DBN1: variants seen among roughly 807,000 people sequenced by gnomAD.
DBN1 encodes the protein drebrin 1.
In DBN1, 21 loss-of-function variants were observed where a neutral mutation model predicts 83.5. The observed-to-expected ratio is 0.25, with a 90% CI of 0.18 to 0.36. The LOEUF is 0.36. Ranked by LOEUF, DBN1 falls within the 10% of genes least tolerant of loss-of-function variation. The pLI is 1.00. For missense variants in DBN1, 874 were observed against 935.7 expected (o/e 0.93, Z 0.86); for synonymous variants, 381 against 384.9 (o/e 0.99, Z 0.12).
intron 11 of DBN1, 45 bp from the exon 12 acceptor site, chr5:177,459,313 G>A (rs749380469): frequency 2.5e-6 from 4 of 1,586,986 alleles, no homozygotes; most frequent in Non-Finnish European, 3.4e-6. Flanking sequence ...GGGGGAGCCG[G>A]GTGAGACAGG....
intron 2 of DBN1, 100 bp downstream of exon 2, chr5:177,468,744 G>A (rs997527920): frequency 1.4e-6 from 1 of 698,338 alleles, no homozygotes; most frequent in African/African-American, 1.8e-5. Context: ...GGGGCTGCAG[G>A]GTGCAGGCAG....
At position 177,459,139 on chromosome 5, in the gene DBN1, G is replaced by A. The variant is rs375373491; in HGVS notation, c.1223C>T (p.Ser408Leu). The A allele has an allele frequency of 1.5e-4, 239 of 1,611,196 alleles. No homozygotes were observed. The highest frequency in any genetic ancestry group is 3.9e-4 in the Admixed American group (23 of 59,610). The change falls in exon 12 of 15, where the codon TCG becomes TTG. Residue 408 changes from serine to leucine, a missense_variant. Ser to Leu is a moderately radical substitution (Grantham distance 145). Coordinates refer to ENST00000393565, the MANE Select transcript of DBN1 (RefSeq NM_001363541.2). ...IERALDEVTS[S>L]QPPPLPPPPP... is the part of the protein sequence containing the mutation. ...TGGCGGTGGCAGTGGTGGAGGCTGC[G>A]AGGAGGTGACCTCATCCAGGGCCCG...
chr5:177,459,083 G>C lies in DBN1; in HGVS notation c.1264+15C>G. ...GATGATGGGAGGCCTGGTGCAGGTA[G>C]CATCCCTCTCTCACCTTGGGCTGGT... is the stretch of plus-strand genomic sequence containing the variant. On this transcript the variant is annotated intron_variant, in intron 12 of 14. Transcript: ENST00000393565. The C allele has an allele frequency of 1.3e-6, 2 of 1,593,168 alleles. No individual in the cohort carries two copies. The highest frequency in any genetic ancestry group is 1.7e-4 in the Middle Eastern group (1 of 5,840).
intron 8 of DBN1, among the ~76,000 whole-genome samples, chr5:177,464,134 AAAATAAAT>A (rs769085289): frequency 6.6e-6 from 1 of 150,912 alleles, no homozygotes; most frequent in Non-Finnish European, 1.5e-5. Context: ...TAAATAAATA[AAAATAAAT>A]AAATAAATAA....
Position 177,459,633 on chromosome 5 carries a change from G to A in DBN1, c.1063C>T (p.Arg355Cys), listed in dbSNP as rs1424700206. The A allele has an allele frequency of 7.6e-6, 12 of 1,571,272 alleles. No individual in the cohort carries two copies. Among genetic ancestry groups the A allele is most frequent in the South Asian group, 1.2e-5 (1 of 85,662 alleles). Residue 355 changes from arginine (R) to cysteine (C), a missense_variant, in exon 11 of 15, where the codon CGC becomes TGC. This residue lies in a region of DBN1 where 725 missense variants were observed against 719.7 expected (regional missense o/e 1.01). Coordinates refer to ENST00000393565, the MANE Select transcript of DBN1 (RefSeq NM_001363541.2). ...RTPFPYITCH[R>C]TPNLSSSLPC... is the part of the protein sequence containing the mutation. ...AGGGAGGAAGAGAGGTTTGGGGTGC[G>A]GTGGCAGGTGATATAGGGAAAGGGA...
intron 2 of DBN1, chr5:177,468,464 C>T (rs1436997000): frequency 3.5e-6 from 2 of 566,654 alleles, no homozygotes; most frequent in South Asian, 2.4e-5. Context: ...AGTGTTTGTT[C>T]TTCACACTCA....
At chr5:177,472,903 C>T in intron 1 of DBN1, 7 of 951,404 alleles carry the variant, frequency 7.4e-6, no homozygotes, top group Non-Finnish European at 7.5e-6. Context: ...AGAGGCCCCC[C>T]GGTGGGCGGG....
chr5:177,459,345 C>G, intron 11 of DBN1, 77 bp from the exon 12 acceptor site: 1 of 1,547,734 alleles, frequency 6.5e-7, no homozygotes, highest in Non-Finnish European at 8.6e-7. Context: ...TGGGGCCTGG[C>G]CAGCACCTCC....
chr5:177,471,369 A>G (rs1671517497), intron 1 of DBN1, among the ~76,000 whole-genome samples: 1 of 151,998 alleles, frequency 6.6e-6, no homozygotes, highest in Admixed American at 6.5e-5. Flanking sequence ...CCACCACACA[A>G]CCTCATTTCC....
intron 8 of DBN1, among the ~76,000 whole-genome samples, chr5:177,461,878 T>G (rs1041366725): frequency 6.6e-6 from 1 of 152,214 alleles, no homozygotes; most frequent in Admixed American, 6.5e-5. Flanking sequence ...GCTTTTGTTT[T>G]GCTGGTATGA....
Position 177,457,115 on chromosome 5 carries a change from C to G in DBN1, c.*318G>C. The G allele has an allele frequency of 2.6e-6, 1 of 382,696 alleles. No individual in the cohort carries two copies. The highest frequency in any genetic ancestry group is 3.6e-5 in the South Asian group (1 of 27,966). The allele number at this position is 382,696 out of a possible 1,614,324, so 23.7% of individuals were successfully genotyped here. A position where few individuals can be genotyped will look rare whatever the true frequency, so the allele number is the denominator to read the frequency against. The stretch of plus-strand genomic sequence containing the variant: ...CCCCAAGCAGGGTGAGGCCTCCAAC[C>G]CGGCCAGCTGAGCAGGGAGGACTAA... On this transcript the variant is annotated 3_prime_UTR_variant, in exon 15 of 15. Transcript: ENST00000393565.
rs1756725280 is a variant in DBN1 at position 177,458,405 on chromosome 5, CAAT to C, written c.1564_1566del (p.Ile522del). 1.2e-6 allele frequency: 2 copies of C among 1,614,036 alleles called. No homozygotes were observed. The highest frequency in any genetic ancestry group is 2.2e-5 in the South Asian group (2 of 91,084). ...CCTTCCCCGTTGCCAGGCCATAGGT[CAAT>C]GAGGCTGGTGGCGGCGGGGGGTACG... On this transcript the variant is annotated inframe_deletion, in exon 13 of 15. Transcript: ENST00000393565.
chr5:177,472,326 G>C, intron 1 of DBN1: 1 of 1,523,046 alleles, frequency 6.6e-7, no homozygotes, highest in Non-Finnish European at 8.8e-7. Context: ...CTTTGCCTCA[G>C]TTTCCTCAAG....
In DBN1 at chr5:177,459,180, G is replaced by A. The variant is rs567476563; in HGVS notation, c.1182C>T (p.Val394=). 9.8e-5 allele frequency: 158 copies of A among 1,611,572 alleles called. No individual in the cohort carries two copies. The highest frequency in any genetic ancestry group is 2.0e-4 in the Admixed American group (12 of 59,434). ...PSDSSTASTP[V]AEQIERALDE... is the part of the protein sequence containing the mutation. ...CCAGGGCCCGCTCTATCTGCTCAGC[G>A]ACAGGGGTGGAGGCGGTGCTGGAGT... Residue 394 remains valine (V), a synonymous_variant, in exon 12 of 15, where the codon GTC becomes GTT. Coordinates refer to ENST00000393565, the MANE Select transcript of DBN1 (RefSeq NM_001363541.2).
intron 8 of DBN1, chr5:177,462,324 T>C (rs1240395082): frequency 2.0e-6 from 2 of 985,352 alleles, no homozygotes; most frequent in Admixed American, 1.2e-4. Context: ...CATGGGAGAC[T>C]GGCCTCCCTC....
At chr5:177,459,780 G>C in intron 10 of DBN1, 40 bp from the exon 11 acceptor site, 1 of 1,430,744 alleles carries the variant, frequency 7.0e-7, no homozygotes, top group East Asian at 2.7e-5. Context: ...CAGAGGACAA[G>C]AGAGGGTCAG....
In DBN1 at chr5:177,459,203, A is replaced by T; in HGVS notation, c.1159T>A (p.Ser387Thr). The stretch of plus-strand genomic sequence containing the variant: ...GCGACAGGGGTGGAGGCGGTGCTGG[A>T]GTCAGACGGGCTCCGCGTGGGGATG... Reference protein sequence around the residue: ...TPIPTRSPSDSSTASTPVAEQ... With the variant: ...TPIPTRSPSDTSTASTPVAEQ... The change falls in exon 12 of 15, where the codon TCC becomes ACC. Residue 387 changes from serine to threonine, a missense_variant. Transcript: ENST00000393565. 1 of 1,611,170 alleles carries T rather than the reference A, an allele frequency of 6.2e-7. No individual in the cohort carries two copies. Among genetic ancestry groups the T allele is most frequent in the Non-Finnish European group, 8.5e-7 (1 of 1,179,010 alleles).
rs1261606164 is a variant in DBN1, at chr5:177,458,134, T to C, written c.1838A>G (p.Glu613Gly). 6.2e-7 allele frequency: 1 copy of C among 1,613,412 alleles called. No individual in the cohort carries two copies. Among genetic ancestry groups the C allele is most frequent in the Non-Finnish European group, 8.5e-7 (1 of 1,179,990 alleles). The change falls in exon 13 of 15, where the codon GAG becomes GGG. Residue 613 changes from glutamate to glycine, a missense_variant. Around this residue, in one of 4 missense-constraint regions of DBN1, gnomAD observed 725 missense variants for 719.7 expected, o/e 1.01. Coordinates refer to ENST00000393565, the MANE Select transcript of DBN1 (RefSeq NM_001363541.2). ...CGGCTCCTGCTCTTGCTCCAGCTCCTCAAGGGCTGAGGGCAGAGTTGGGGT... is the reference window on the plus strand; with the variant it reads ...CGGCTCCTGCTCTTGCTCCAGCTCCCCAAGGGCTGAGGGCAGAGTTGGGGT... ...PQTPTLPSAL[E>G]ELEQEQEPEP... is the part of the protein sequence containing the mutation.
At chr5:177,459,292 T>A in intron 11 of DBN1, 24 bp from the exon 12 acceptor site, 1 of 1,598,394 alleles carries the variant, frequency 6.3e-7, no homozygotes, top group Non-Finnish European at 8.5e-7. Flanking sequence ...CCCAGGTGGG[T>A]CAGTGAGGGC....
Sources: gnomAD v4.1 joint callset for allele counts (sites outside exome capture counted in the v4.1 genomes callset) on GRCh38, gnomAD v4.1.1 for gene constraint, gnomAD v4.1.1 regional missense constraint, MANE v1.5 for transcripts, NCBI Gene and HGNC (gene_info 2026-07-23, HGNC 2026-07-21) for gene names.